Variants in WDFY4 observed in about 807,000 individuals in gnomAD.
The protein encoded by WDFY4 is WD repeat- and FYVE domain-containing protein 4.
In WDFY4, 169 loss-of-function variants were observed where a neutral mutation model predicts 351.9. The ratio of observed to expected loss-of-function variants is 0.48; its 90% CI spans 0.42 to 0.55. The LOEUF (loss-of-function observed/expected upper bound fraction) is 0.55, where lower values mean the gene tolerates loss of function less well. Among genes scored for constraint, WDFY4 ranks in the 20% least tolerant of loss-of-function variants. The probability of loss-of-function intolerance (pLI) is 0.00; values close to 1 mark genes in which losing one functional copy is unlikely to be tolerated. For missense variants in WDFY4, 3,803 were observed against 3,935.6 expected (o/e 0.97, Z 0.90); for synonymous variants, 1,622 against 1,574.6 (o/e 1.03, Z -0.71).
At chr10:48,804,732 G>C (rs1027292984) in intron 25 of WDFY4, 7 of 984,910 alleles carry the variant, frequency 7.1e-6, no homozygotes, top group Admixed American at 1.2e-4. Flanking sequence ...TTTTCTTTGG[G>C]GGAGTAGAAT....
At chr10:48,903,391 G>A (rs1297897809) in intron 47 of WDFY4, among the ~76,000 whole-genome samples, 1 of 152,224 alleles carries the variant, frequency 6.6e-6, no homozygotes, top group East Asian at 1.9e-4. Context: ...ACTGGAGTGG[G>A]TCAAAGGCAG....
At position 48,709,894 on chromosome 10, in the gene WDFY4, C is replaced by A; in HGVS notation, c.162C>A (p.Tyr54Ter). 6.4e-7 allele frequency: 1 copy of A among 1,552,096 alleles called. No homozygotes were observed. The highest frequency in any genetic ancestry group is 8.7e-7 in the Non-Finnish European group (1 of 1,147,092). ...WDMLERKFLE[Y>*]QQLTHKSPIE... ...TGCTGGAAAGGAAGTTTCTGGAATA[C>A]CAGCAGTTGACTCACAAGAGCCCCA... The change falls in exon 2 of 62, where the codon TAC becomes TAA. Residue 54 changes from tyrosine (Y) to a stop codon, truncating the protein, a stop_gained. Transcript: ENST00000325239. LOFTEE classifies it high-confidence loss of function.
chr10:48,775,908 T>A, intron 15 of WDFY4, 102 bp downstream of exon 15: 2 of 1,115,946 alleles, frequency 1.8e-6, no homozygotes, highest in Non-Finnish European at 2.6e-6. Context: ...CAAACAGGTT[T>A]AAACATGGTT....
intron 24 of WDFY4, among the ~76,000 whole-genome samples, chr10:48,800,791 G>A (rs2132835328): frequency 6.9e-6 from 1 of 144,132 alleles, no homozygotes; most frequent in Non-Finnish European, 1.5e-5. Flanking sequence ...GGAGGGCAGT[G>A]GTGCGATCTC....
At chr10:48,802,003 T>C (rs1173700734) in intron 24 of WDFY4, among the ~76,000 whole-genome samples, 1 of 150,628 alleles carries the variant, frequency 6.6e-6, no homozygotes, top group Non-Finnish European at 1.5e-5. Flanking sequence ...TTGAAAACAG[T>C]CTCTGCCAAT....
chr10:48,799,905 GAGACAGAGTCTC>G (rs2067004948), intron 24 of WDFY4, among the ~76,000 whole-genome samples: 1 of 151,026 alleles, frequency 6.6e-6, no homozygotes, highest in Admixed American at 6.6e-5. Context: ...GTTTTTTTTT[GAGACAGAGTCTC>G]ACTCTGTTGC....
chr10:48,911,408 A>G (rs1467140815), intron 47 of WDFY4, among the ~76,000 whole-genome samples: 2 of 152,264 alleles, frequency 1.3e-5, no homozygotes, highest in Non-Finnish European at 2.9e-5. Flanking sequence ...TTAACACAAT[A>G]TTTCCAATAA....
At chr10:48,712,289 TA>T (rs1440059823) in intron 2 of WDFY4, among the ~76,000 whole-genome samples, 6 of 152,234 alleles carry the variant, frequency 3.9e-5, no homozygotes, top group Non-Finnish European at 7.3e-5. Context: ...ACAATGATTA[TA>T]AAGTCCACAG....
intron 57 of WDFY4, 106 bp downstream of exon 57, chr10:48,970,395 A>T: frequency 6.9e-7 from 1 of 1,440,632 alleles, no homozygotes; most frequent in Non-Finnish European, 9.2e-7. Context: ...GTGCCGGAAC[A>T]CACCCTAACT....
intron 57 of WDFY4, among the ~76,000 whole-genome samples, chr10:48,972,374 AG>A (rs531443463): frequency 4.2e-4 from 64 of 152,288 alleles, no homozygotes; most frequent in Non-Finnish European, 7.8e-4. Context: ...TCCCTATAAA[AG>A]TTTTCAATTT....
intron 43 of WDFY4, among the ~76,000 whole-genome samples, chr10:48,880,875 C>T (rs2070218174): frequency 6.6e-6 from 1 of 152,016 alleles, no homozygotes; most frequent in East Asian, 1.9e-4. Flanking sequence ...GAGATGCAGG[C>T]CCGGGGAGGT....
chr10:48,956,697 G>A (rs1007336314), intron 51 of WDFY4, among the ~76,000 whole-genome samples: 3 of 152,120 alleles, frequency 2.0e-5, no homozygotes, highest in South Asian at 2.1e-4. Flanking sequence ...CCTATGGTTG[G>A]TTCTTTATTT....
chr10:48,802,081 A>G (rs1160683596), intron 24 of WDFY4, among the ~76,000 whole-genome samples: 1 of 152,104 alleles, frequency 6.6e-6, no homozygotes, highest in African/African-American at 2.4e-5. Flanking sequence ...TAGCTACTAG[A>G]TGCAGATAAT....
At chr10:48,805,949 A>G in intron 26 of WDFY4, 55 bp from the exon 27 acceptor site, 9 of 1,461,074 alleles carry the variant, frequency 6.2e-6, no homozygotes, top group Non-Finnish European at 8.5e-6. Context: ...GCATGTACTC[A>G]GCGGACTCAG....
chr10:48,799,143 A>G (rs1264003331), intron 24 of WDFY4, among the ~76,000 whole-genome samples: 1 of 152,174 alleles, frequency 6.6e-6, no homozygotes, highest in Non-Finnish European at 1.5e-5. Flanking sequence ...ATTGCCTGCT[A>G]CTAGAATGGC....
rs772236395 is a variant in WDFY4 at position 48,867,267 on chromosome 10, T to G, written c.6666T>G (p.Asp2222Glu). ...QAKDPECKTE[D>E]FVSCIENYRR... The stretch of plus-strand genomic sequence containing the variant: ...GACTTGTTTTCTCCTTTCTCCAGGA[T>G]TTTGTGTCATGTATAGAGAACTACA... The change falls in exon 40 of 62, where the codon GAT becomes GAG. Residue 2222 changes from aspartate to glutamate, a missense_variant and splice_region_variant. Coordinates refer to ENST00000325239, the MANE Select transcript of WDFY4 (RefSeq NM_001394531.1). The G allele has an allele frequency of 9.9e-5, 138 of 1,399,154 alleles. No individual in the cohort carries two copies. Among genetic ancestry groups the G allele is most frequent in the Non-Finnish European group, 1.3e-4 (137 of 1,070,906 alleles). The allele number at this position is 1,399,154 out of a possible 1,614,324, so 86.7% of individuals were successfully genotyped here. A position where few individuals can be genotyped will look rare whatever the true frequency, so the allele number is the denominator to read the frequency against.
intron 4 of WDFY4, among the ~76,000 whole-genome samples, chr10:48,722,698 G>GCA (rs567236309): frequency 3.9e-4 from 60 of 152,048 alleles, no homozygotes; most frequent in South Asian, 1.7e-3. Context: ...CATGCATCAT[G>GCA]CACACACACA....
At chr10:48,784,530 CTTTTTTTTTTT>C (rs71465479) in intron 19 of WDFY4, among the ~76,000 whole-genome samples, 7 of 26,874 alleles carry the variant, frequency 2.6e-4, no homozygotes, top group East Asian at 1.5e-3. Flanking sequence ...GCATTGTTTG[CTTTTTTTTTTT>C]TTTTTTTTTT....
chr10:48,968,789 T>G, intron 55 of WDFY4: 1 of 445,556 alleles, frequency 2.2e-6, no homozygotes, highest in Non-Finnish European at 4.1e-6. Context: ...GGGCTGGGGG[T>G]GGCTCCCAGA....
Sources: gnomAD v4.1 joint callset for allele counts (sites outside exome capture counted in the v4.1 genomes callset) on GRCh38, gnomAD v4.1.1 for gene constraint, MANE v1.5 for transcripts, NCBI Gene and HGNC (gene_info 2026-07-23, HGNC 2026-07-21) for gene names.